The following DEPTOR variants were observed in gnomAD, a reference collection of about 807,000 sequenced individuals.
DEPTOR encodes the protein DEP domain containing MTOR interacting protein.
Under a neutral mutation model 41.6 loss-of-function variants are expected in DEPTOR, and 41 were observed. The observed-to-expected ratio is 0.98, with a 90% CI of 0.77 to 1.28. DEPTOR has a LOEUF of 1.28. DEPTOR is among the 50% of genes most tolerant of loss of function. The pLI, the probability that DEPTOR is intolerant of heterozygous loss-of-function variation, is 0.00. For synonymous variants in DEPTOR, 195 were observed against 192.3 expected, an observed-to-expected ratio of 1.01 and a Z score of -0.12; for missense variants, 514 against 527.9, an observed-to-expected ratio of 0.97 and a Z score of 0.26.
rs1009867892 is a variant in DEPTOR, at chr8:119,941,691, C to T, written c.425+11753C>T. ...TGCTTATTGTATACCAAGAACTTTACAAGTATCTTCTAAAAGCTTCGTTCT... is the reference window on the plus strand; with the variant it reads ...TGCTTATTGTATACCAAGAACTTTATAAGTATCTTCTAAAAGCTTCGTTCT... On this transcript the variant is annotated intron_variant, in intron 3 of 8. Coordinates refer to ENST00000286234, the MANE Select transcript of DEPTOR (RefSeq NM_022783.4). 2.1e-4 allele frequency among the ~76,000 whole-genome samples: 32 copies of T among 152,266 alleles called. 1 individual carries two copies. Among genetic ancestry groups the T allele is most frequent in the African/African-American group, 7.0e-4 (29 of 41,564 alleles).
chr8:119,926,679 G>A (rs571502659), intron 1 of DEPTOR, among the ~76,000 whole-genome samples: 9 of 152,064 alleles, frequency 5.9e-5, no homozygotes, highest in Non-Finnish European at 1.2e-4. Context: ...TGTTTTCTGG[G>A]TCTACTGGAT....
At chr8:120,022,802 C>G (rs1450124195) in intron 8 of DEPTOR, among the ~76,000 whole-genome samples, 4 of 151,966 alleles carry the variant, frequency 2.6e-5, no homozygotes, top group African/African-American at 9.7e-5. Flanking sequence ...TCTCAAAGTG[C>G]TGGGATTCCA....
chr8:119,890,414 T>G (rs959790294), intron 1 of DEPTOR, among the ~76,000 whole-genome samples: 7 of 152,118 alleles, frequency 4.6e-5, no homozygotes, highest in Non-Finnish European at 8.8e-5. Flanking sequence ...GTGATTCTCC[T>G]GACTCAGCCT....
chr8:119,873,963 G>C lies in DEPTOR; in HGVS notation c.117G>C (p.Gln39His). ...CTGAGGTCTTGGTCACCGGGGAACAGCTACGGTAAGGCAAGAGACACAGCG... is the reference window on the plus strand; with the variant it reads ...CTGAGGTCTTGGTCACCGGGGAACACCTACGGTAAGGCAAGAGACACAGCG... ...RMAEVLVTGE[Q>H]LRLRLHEEKV... Residue 39 changes from glutamine to histidine, a missense_variant, in exon 1 of 9, where the codon CAG becomes CAC. Coordinates refer to ENST00000286234, the MANE Select transcript of DEPTOR (RefSeq NM_022783.4). The C allele has an allele frequency of 6.2e-7, 1 of 1,613,548 alleles. No individual in the cohort carries two copies. The highest frequency in any genetic ancestry group is 8.5e-7 in the Non-Finnish European group (1 of 1,179,782).
chr8:119,908,581 C>CT (rs1827697761), intron 1 of DEPTOR, among the ~76,000 whole-genome samples: 1 of 152,168 alleles, frequency 6.6e-6, no homozygotes, highest in South Asian at 2.1e-4. Flanking sequence ...TGACTGCCTA[C>CT]TACTTGCAAT....
At chr8:119,887,832 T>G (rs1010319971) in intron 1 of DEPTOR, among the ~76,000 whole-genome samples, 1 of 151,574 alleles carries the variant, frequency 6.6e-6, no homozygotes, top group African/African-American at 2.4e-5. Flanking sequence ...CTTTGTTTTG[T>G]TTTTTGGACA....
At chr8:119,991,094 TTC>T (rs1315450313) in intron 4 of DEPTOR, among the ~76,000 whole-genome samples, 23 of 120,728 alleles carry the variant, frequency 1.9e-4, no homozygotes, top group African/African-American at 6.9e-4. Flanking sequence ...TTCTTTTTCT[TTC>T]TTTCTTTCTT....
chr8:119,953,086 T>G (rs1179671606), intron 3 of DEPTOR, among the ~76,000 whole-genome samples: 1 of 152,210 alleles, frequency 6.6e-6, no homozygotes, highest in East Asian at 1.9e-4. Context: ...CATGTGAGCA[T>G]TTCTCCCTAA....
intron 4 of DEPTOR, among the ~76,000 whole-genome samples, chr8:119,983,470 T>C (rs570734550): frequency 4.7e-4 from 72 of 152,212 alleles, no homozygotes; most frequent in Non-Finnish European, 7.9e-4. Flanking sequence ...CTGCAACCTC[T>C]GCCTTCCAGG....
intron 4 of DEPTOR, among the ~76,000 whole-genome samples, chr8:119,970,691 G>A (rs995593333): frequency 2.6e-5 from 4 of 152,156 alleles, no homozygotes; most frequent in Non-Finnish European, 5.9e-5. Flanking sequence ...TGTACTAGAA[G>A]GGTTCAACGT....
chr8:120,047,851 G>T (rs1813175218), intron 8 of DEPTOR, among the ~76,000 whole-genome samples: 2 of 150,692 alleles, frequency 1.3e-5, no homozygotes, highest in South Asian at 4.3e-4. Flanking sequence ...TTCAAGACCA[G>T]ACTGGCCAAC....
At chr8:120,044,835 A>G (rs1813131278) in intron 8 of DEPTOR, among the ~76,000 whole-genome samples, 1 of 152,198 alleles carries the variant, frequency 6.6e-6, no homozygotes, top group Non-Finnish European at 1.5e-5. Flanking sequence ...CTATTTTGAA[A>G]AGGATCCTGC....
intron 4 of DEPTOR, among the ~76,000 whole-genome samples, chr8:119,996,274 C>T (rs574101175): frequency 3.9e-5 from 6 of 152,204 alleles, no homozygotes; most frequent in South Asian, 2.1e-4. Flanking sequence ...ATTGAATTCT[C>T]CTAGGCCAAA....
intron 3 of DEPTOR, among the ~76,000 whole-genome samples, chr8:119,932,775 T>TG (rs1008143274): frequency 1.6e-4 from 24 of 152,006 alleles, no homozygotes; most frequent in African/African-American, 5.8e-4. Flanking sequence ...CTGAGGGTGG[T>TG]GGGGTACTTT....
chr8:119,887,434 C>T (rs1403970520), intron 1 of DEPTOR, among the ~76,000 whole-genome samples: 1 of 2,532 alleles, frequency 3.9e-4, no homozygotes, highest in Non-Finnish European at 9.0e-4. Flanking sequence ...CCCCCCTCCC[C>T]CTCCCCCCTC....
At position 119,922,031 on chromosome 8, in the gene DEPTOR, C is replaced by CT. The variant is rs562338517; in HGVS notation, c.123-6369_123-6368insT. 1.1e-4 allele frequency among the ~76,000 whole-genome samples: 16 copies of CT among 151,902 alleles called. No homozygotes were observed. The South Asian group carries it at 3.1e-3, about 30-fold the overall frequency. On this transcript the variant is annotated intron_variant, in intron 1 of 8. Transcript: ENST00000286234. ...GGTGGGTGGATCACCTGAGGTCAGGCGTTTGAGACCAGCCTAGCCAACATG... is the reference window on the plus strand; with the variant it reads ...GGTGGGTGGATCACCTGAGGTCAGGCTGTTTGAGACCAGCCTAGCCAACATG...
At chr8:119,968,612 C>T (rs534322425) in intron 4 of DEPTOR, among the ~76,000 whole-genome samples, 83 of 152,260 alleles carry the variant, frequency 5.5e-4, no homozygotes, top group Non-Finnish European at 9.6e-4. Flanking sequence ...TGAGAGCTCC[C>T]TTCTTAACAA....
intron 1 of DEPTOR, among the ~76,000 whole-genome samples, chr8:119,904,747 C>T (rs531471094): frequency 2.4e-4 from 37 of 151,858 alleles, no homozygotes; most frequent in African/African-American, 7.5e-4. Context: ...CCACCTACCT[C>T]GGCCTCCCAA....
intron 3 of DEPTOR, among the ~76,000 whole-genome samples, chr8:119,961,233 A>G (rs1211365804): frequency 6.6e-6 from 1 of 151,862 alleles, no homozygotes; most frequent in Non-Finnish European, 1.5e-5. Flanking sequence ...CCTGATGAGC[A>G]TGGAGAAACC....
Sources: gnomAD v4.1 joint callset for allele counts (sites outside exome capture counted in the v4.1 genomes callset) on GRCh38, gnomAD v4.1.1 for gene constraint, MANE v1.5 for transcripts, NCBI Gene and HGNC (gene_info 2026-07-23, HGNC 2026-07-21) for gene names.